The following TMEM132B variants were observed in gnomAD, a reference collection of about 807,000 sequenced individuals.
TMEM132B encodes the protein transmembrane protein 132B.
A neutral mutation model predicts 90.8 loss-of-function variants in TMEM132B; 18 were observed. The ratio of observed to expected loss-of-function variants is 0.20; its 90% CI spans 0.14 to 0.29. The LOEUF is 0.29. TMEM132B is among the 10% of genes least tolerant of loss of function. TMEM132B has a pLI of 1.00. For missense variants in TMEM132B, 1,096 were observed against 1,326.8 expected (o/e 0.83, Z 2.70); for synonymous variants, 504 against 523.3 (o/e 0.96, Z 0.50).
At position 125,349,667 on chromosome 12, in the gene TMEM132B, C is replaced by T. The variant is rs781583695; in HGVS notation, c.283C>T (p.Pro95Ser). The T allele has an allele frequency of 6.2e-7, 1 of 1,614,012 alleles. No homozygotes were observed. The highest frequency in any genetic ancestry group is 1.3e-5 in the African/African-American group (1 of 74,890). Residue 95 changes from proline (P) to serine (S), a missense_variant, in exon 2 of 9, where the codon CCA becomes TCA. Coordinates refer to ENST00000682704, the MANE Select transcript of TMEM132B (RefSeq NM_001366854.1). This position sits in a 1 kb window ranked among gnomAD's most constrained non-coding sequence, Gnocchi z 4.1. The part of the protein sequence containing the change: ...TPPIINASYG[P>S]FSVEKIIPQE... ...CCCTATTATCAATGCCAGCTATGGC[C>T]CATTTTCAGTGGAGAAGATAATCCC...
In TMEM132B at chr12:125,350,127, A is replaced by C. The variant is rs1300333978; in HGVS notation, c.743A>C (p.His248Pro). 1 of 1,613,956 alleles carries C rather than the reference A, an allele frequency of 6.2e-7. No homozygotes were observed. The highest frequency in any genetic ancestry group is 1.3e-5 in the African/African-American group (1 of 74,890). The change falls in exon 2 of 9, where the codon CAC (histidine) becomes CCC (proline). Residue 248 changes from histidine (H) to proline (P), a missense_variant. Transcript: ENST00000682704. ...GAAGGCAAGTGGGAGAACAATATCCACTCGGGCCTGGAGAGCCCCCAGCAA... is the reference window on the plus strand; with the variant it reads ...GAAGGCAAGTGGGAGAACAATATCCCCTCGGGCCTGGAGAGCCCCCAGCAA... The part of the protein sequence containing the change: ...EEEGKWENNI[H>P]SGLESPQQAF...
At chr12:125,359,745 C>T (rs150954524) in intron 2 of TMEM132B, among the ~76,000 whole-genome samples, 215 of 152,260 alleles carry the variant, frequency 1.4e-3, no homozygotes, top group African/African-American at 4.5e-3. Flanking sequence ...ACGAAACTCC[C>T]GACCCTGTGA....
intron 2 of TMEM132B, among the ~76,000 whole-genome samples, chr12:125,383,618 C>T (rs1239184659): frequency 6.6e-6 from 1 of 152,154 alleles, no homozygotes; most frequent in Non-Finnish European, 1.5e-5. Context: ...TGTTCAATCC[C>T]TATCTTCTTT....
At chr12:125,195,035 C>T (rs1417598851) in intron 1 of TMEM132B, among the ~76,000 whole-genome samples, 2 of 152,130 alleles carry the variant, frequency 1.3e-5, no homozygotes, top group East Asian at 1.9e-4. Flanking sequence ...GTGTTGGCCT[C>T]GCCTCTTGAC....
intron 5 of TMEM132B, among the ~76,000 whole-genome samples, chr12:125,639,774 G>T (rs984135625): frequency 3.9e-5 from 6 of 152,228 alleles, no homozygotes; most frequent in African/African-American, 1.4e-4. Flanking sequence ...ACCAGAGGCG[G>T]GTGCCAAGTT....
rs577168371 is a variant in TMEM132B at position 125,407,289 on chromosome 12, G to A, written c.960-8242G>A. 3.8e-4 allele frequency among the ~76,000 whole-genome samples: 58 copies of A among 152,306 alleles called. No homozygotes were observed. Among genetic ancestry groups the A allele is most frequent in the Non-Finnish European group, 4.4e-4 (30 of 68,032 alleles). On this transcript the variant is annotated intron_variant, in intron 2 of 8. Coordinates refer to ENST00000682704, the MANE Select transcript of TMEM132B (RefSeq NM_001366854.1). The surrounding 1 kb of genome is among the most constrained non-coding windows in gnomAD (Gnocchi z 6.7). ...GAAGGCAAAGGCCAGACCTCTCTTC[G>A]GGCAAAGTTAATCCTTTACTGCCCA...
intron 4 of TMEM132B, among the ~76,000 whole-genome samples, chr12:125,547,507 G>A (rs1017017034): frequency 1.1e-4 from 16 of 152,180 alleles, no homozygotes; most frequent in African/African-American, 3.9e-4. Flanking sequence ...ACTGAGCTTT[G>A]TCGATAATAT....
At chr12:125,635,663 GGGATTGCT>G (rs1342432061) in intron 5 of TMEM132B, among the ~76,000 whole-genome samples, 1 of 152,172 alleles carries the variant, frequency 6.6e-6, no homozygotes, top group Non-Finnish European at 1.5e-5. Flanking sequence ...ACCCAGTAAT[GGGATTGCT>G]GGGTCAAATG....
chr12:125,390,829 C>A (rs529450433), intron 2 of TMEM132B, among the ~76,000 whole-genome samples: 1 of 151,970 alleles, frequency 6.6e-6, no homozygotes, highest in Non-Finnish European at 1.5e-5. Context: ...GAGAGAGAAC[C>A]ACCTGAGTCA....
At chr12:125,644,431 C>A in intron 6 of TMEM132B, 150 bp downstream of exon 6, 1 of 699,610 alleles carries the variant, frequency 1.4e-6, no homozygotes, top group Non-Finnish European at 2.4e-6. Flanking sequence ...ATGGATCTGA[C>A]TTGAGTACTT....
chr12:125,561,701 G>T (rs1362276221), intron 4 of TMEM132B, among the ~76,000 whole-genome samples: 27 of 151,920 alleles, frequency 1.8e-4, no homozygotes, highest in Non-Finnish European at 3.8e-4. Flanking sequence ...AGTTTTAGAG[G>T]AATCTTTTTT....
intron 5 of TMEM132B, among the ~76,000 whole-genome samples, chr12:125,615,684 T>G (rs980192752): frequency 1.3e-5 from 2 of 152,190 alleles, no homozygotes; most frequent in African/African-American, 4.8e-5. Context: ...TCTACATTGT[T>G]TAGAAATATT....
At chr12:125,645,824 C>G (rs1241878794) in intron 6 of TMEM132B, among the ~76,000 whole-genome samples, 1 of 152,152 alleles carries the variant, frequency 6.6e-6, no homozygotes, top group Admixed American at 6.5e-5. Context: ...CAATAGAAAA[C>G]TAATACAGAG....
intron 4 of TMEM132B, among the ~76,000 whole-genome samples, chr12:125,550,484 C>T (rs955726392): frequency 1.3e-5 from 2 of 152,162 alleles, no homozygotes; most frequent in African/African-American, 4.8e-5. Context: ...CCTGGCTGTA[C>T]TCTGACTGAT....
At chr12:125,453,090 C>G (rs975409822) in intron 3 of TMEM132B, among the ~76,000 whole-genome samples, 25 of 151,748 alleles carry the variant, frequency 1.6e-4, no homozygotes, top group African/African-American at 2.2e-4. Flanking sequence ...CACACACACA[C>G]ACACACACAC....
Position 125,654,437 on chromosome 12 carries a change from T to G in TMEM132B, c.2979T>G (p.Ser993Arg), listed in dbSNP as rs1165559660. 2.5e-6 allele frequency: 4 copies of G among 1,613,532 alleles called. No individual in the cohort carries two copies. Among genetic ancestry groups the G allele is most frequent in the Non-Finnish European group, 3.4e-6 (4 of 1,180,006 alleles). The change falls in exon 9 of 9, where the codon AGT becomes AGG. Residue 993 changes from serine to arginine, a missense_variant. Transcript: ENST00000682704. This position sits in a 1 kb window ranked among gnomAD's most constrained non-coding sequence, Gnocchi z 5.8. ...FEERNFLLNGSSQKTFHSQLL... is the reference protein window; with the variant it reads ...FEERNFLLNGRSQKTFHSQLL... The stretch of plus-strand genomic sequence containing the variant: ...AGAGGAACTTCCTTCTGAATGGCAG[T>G]TCCCAGAAGACTTTTCATAGTCAAC...
At chr12:125,585,770 AC>A (rs1328129813) in intron 5 of TMEM132B, 3 of 152,178 alleles carry the variant, frequency 2.0e-5, no homozygotes, top group African/African-American at 7.2e-5. Context: ...GGAAGATGAT[AC>A]CTTTTTGCTC....
chr12:125,415,773 T>C lies in TMEM132B; in HGVS notation c.1106+96T>C, dbSNP rs1022654367. On this transcript the variant is annotated intron_variant, in intron 3 of 8. Transcript: ENST00000682704. The surrounding 1 kb of genome is among the most constrained non-coding windows in gnomAD (Gnocchi z 5.3). ...AATAATGTGCGTGTGGATAAAGCGA[T>C]GCCTCTGCGTTTAATGAGAAATGAT... 3.5e-6 allele frequency: 5 copies of C among 1,416,350 alleles called. No homozygotes were observed. Among genetic ancestry groups the C allele is most frequent in the Non-Finnish European group, 4.7e-6 (5 of 1,068,584 alleles). 87.7% of individuals were successfully genotyped at this position (1,416,350 alleles called of 1,614,324 possible). A position where few individuals can be genotyped will look rare whatever the true frequency, so the allele number is the denominator to read the frequency against.
At chr12:125,488,599 T>C (rs1233366687) in intron 3 of TMEM132B, among the ~76,000 whole-genome samples, 1 of 152,214 alleles carries the variant, frequency 6.6e-6, no homozygotes, top group Non-Finnish European at 1.5e-5. Context: ...AAGACATGAC[T>C]TGCTCCTCTT....
Sources: allele counts gnomAD v4.1 joint callset (sites outside exome capture counted in the v4.1 genomes callset), GRCh38; gene constraint gnomAD v4.1.1; non-coding constraint Gnocchi (gnomAD v3.1); transcripts MANE v1.5; gene names NCBI Gene and HGNC (gene_info 2026-07-23, HGNC 2026-07-21).